The following NXN variants were observed in gnomAD, a reference collection of about 807,000 sequenced individuals.
The protein encoded by NXN is nucleoredoxin, also known as nucleoredoxin 1.
A neutral mutation model predicts 48.6 loss-of-function variants in NXN; 16 were observed. That is an observed-to-expected ratio of 0.33 (90% CI 0.22 to 0.50). The LOEUF (loss-of-function observed/expected upper bound fraction) is 0.50. NXN is among the 20% of genes least tolerant of loss of function. The probability of loss-of-function intolerance (pLI) is 0.98; values close to 1 mark genes in which losing one functional copy is unlikely to be tolerated. For synonymous variants in NXN, 281 were observed against 269.6 expected (o/e 1.04, Z -0.41); for missense variants, 492 against 605.5 (o/e 0.81, Z 1.97).
At chr17:821,745 C>T (rs62067089) in intron 4 of NXN, among the ~76,000 whole-genome samples, 97,227 of 146,056 alleles carry the variant, frequency 0.67, 33,246 homozygotes, top group African/African-American at 0.81. Flanking sequence ...AGCGAGACTC[C>T]GTCTCAAAAA....
rs569415633 is a variant in NXN, at chr17:815,578, T to C, written c.820+3861A>G. ...TGAGGCACTCACAGTTCAGCTGACTTCCATCCGTATGATGAGGGCGAGTGT... is the reference window on the plus strand; with the variant it reads ...TGAGGCACTCACAGTTCAGCTGACTCCCATCCGTATGATGAGGGCGAGTGT... On this transcript the variant is annotated intron_variant, in intron 5 of 7. Transcript: ENST00000336868. Among the ~76,000 whole-genome samples, 7 of 138,184 alleles carry C rather than the reference T, an allele frequency of 5.1e-5. No individual in the cohort carries two copies. In the South Asian group the frequency reaches 1.8e-3, roughly 35 times the overall value. 90.7% of individuals were successfully genotyped at this position (138,184 alleles called of 152,430 possible).
At chr17:815,840 C>T (rs1401914829) in intron 5 of NXN, among the ~76,000 whole-genome samples, 1 of 152,218 alleles carries the variant, frequency 6.6e-6, no homozygotes, top group Non-Finnish European at 1.5e-5. Flanking sequence ...CAAACAGAGT[C>T]ACACTTTGTA....
Position 864,513 on chromosome 17 carries a change from C to T in NXN, c.361-38435G>A, listed in dbSNP as rs74792380. ...ACAAAGTGGGCTCTGCCCGTTCAAACGGCTGCCCTGGGAGTACAGGCTGTT... is the reference window on the plus strand; with the variant it reads ...ACAAAGTGGGCTCTGCCCGTTCAAATGGCTGCCCTGGGAGTACAGGCTGTT... On this transcript the variant is annotated intron_variant, in intron 1 of 7. Transcript: ENST00000336868. Among the ~76,000 whole-genome samples the T allele has an allele frequency of 5.5e-3, 835 of 152,336 alleles. 8 individuals are homozygous for T. Among genetic ancestry groups the T allele is most frequent in the African/African-American group, 0.019 (799 of 41,582 alleles).
At chr17:865,052 C>A (rs1330489354) in intron 1 of NXN, among the ~76,000 whole-genome samples, 2 of 152,176 alleles carry the variant, frequency 1.3e-5, no homozygotes, top group Non-Finnish European at 2.9e-5. Context: ...AACAGATCAT[C>A]TCGTCCACAC....
intron 5 of NXN, among the ~76,000 whole-genome samples, chr17:812,964 GT>G (rs1912241467): frequency 6.8e-6 from 1 of 147,884 alleles, no homozygotes; most frequent in African/African-American, 2.6e-5. Context: ...AGGTGTGCAT[GT>G]TTGTAGGTGT....
intron 6 of NXN, 51 bp downstream of exon 6, chr17:805,017 C>CAG: frequency 6.5e-7 from 1 of 1,527,042 alleles, no homozygotes; most frequent in Non-Finnish European, 8.9e-7. Flanking sequence ...GAGGCCCCTC[C>CAG]TGTCCCGCCC....
intron 1 of NXN, among the ~76,000 whole-genome samples, chr17:885,743 C>T (rs1336012232): frequency 7.2e-6 from 1 of 138,402 alleles, no homozygotes; most frequent in Non-Finnish European, 1.5e-5. Flanking sequence ...TGCAGTGGCG[C>T]AATCTCAGCT....
At chr17:890,263 G>T (rs1049227124) in intron 1 of NXN, among the ~76,000 whole-genome samples, 1 of 152,058 alleles carries the variant, frequency 6.6e-6, no homozygotes, top group African/African-American at 2.4e-5. Flanking sequence ...CCAGCAGGTG[G>T]GAGATAATTA....
chr17:811,918 T>TG (rs1912037386), intron 5 of NXN, among the ~76,000 whole-genome samples: 11 of 140,174 alleles, frequency 7.8e-5, no homozygotes, highest in African/African-American at 2.7e-4. Flanking sequence ...TACCCAGTTC[T>TG]GCTTTTTTTT....
At chr17:913,625 A>T (rs2068657442) in intron 1 of NXN, among the ~76,000 whole-genome samples, 1 of 151,948 alleles carries the variant, frequency 6.6e-6, no homozygotes, top group African/African-American at 2.4e-5. Context: ...GGCAATGCAG[A>T]GACCGGGAAC....
At chr17:840,187 AC>A (rs1198630909) in intron 1 of NXN, among the ~76,000 whole-genome samples, 1 of 151,944 alleles carries the variant, frequency 6.6e-6, no homozygotes, top group Non-Finnish European at 1.5e-5. Flanking sequence ...CCCATTTAGC[AC>A]CCATGCCAGC....
rs559637592 is a variant in NXN at position 965,222 on chromosome 17, C to T, written c.360+14097G>A. Among the ~76,000 whole-genome samples, 8 of 152,222 alleles carry T rather than the reference C, an allele frequency of 5.3e-5. No homozygotes were observed. In the East Asian group the frequency reaches 1.2e-3, roughly 22 times the overall value. On this transcript the variant is annotated intron_variant, in intron 1 of 7. Transcript: ENST00000336868. ...AACGTGGGCCTTAAGCTCACTTAAC[C>T]GTCATCCGTGATTTCGTGACCAGCA...
rs114002265 is a variant in NXN at position 919,231 on chromosome 17, C to T, written c.360+60088G>A. Among the ~76,000 whole-genome samples, 1,087 of 152,060 alleles carry T rather than the reference C, an allele frequency of 7.1e-3. 18 individuals are homozygous for T. Among genetic ancestry groups the T allele is most frequent in the African/African-American group, 0.024 (975 of 41,474 alleles). ...TACAAAAATCAGCCGGGCGTCATGG[C>T]GGGCACCTGTAGTCCCAGTTCCTTG... On this transcript the variant is annotated intron_variant, in intron 1 of 7. Transcript: ENST00000336868. The surrounding 1 kb of genome is among the most constrained non-coding windows in gnomAD (Gnocchi z 5.1).
At chr17:927,823 G>A (rs939050325) in intron 1 of NXN, among the ~76,000 whole-genome samples, 1 of 152,038 alleles carries the variant, frequency 6.6e-6, no homozygotes, top group East Asian at 1.9e-4. Flanking sequence ...AGAACTCCTA[G>A]AGACAGCCGT....
At position 800,616 on chromosome 17, in the gene NXN, G is replaced by A. The variant is rs542887587; in HGVS notation, c.*333C>T. ...AGTCAGAGCCCGAGCGGGACCCACC[G>A]GCCCTCCACGCTCACTCTGCCCAGG... On this transcript the variant is annotated 3_prime_UTR_variant, in exon 8 of 8. Coordinates refer to ENST00000336868, the MANE Select transcript of NXN (RefSeq NM_022463.5). 12 of 181,494 alleles carry A rather than the reference G, an allele frequency of 6.6e-5. No homozygotes were observed. Among genetic ancestry groups the A allele is most frequent in the African/African-American group, 2.1e-4 (9 of 42,814 alleles). The allele number at this position is 181,494 out of a possible 1,614,324, so 11.2% of individuals were successfully genotyped here.
intron 1 of NXN, chr17:864,144 C>T (rs2644709): frequency 0.1 from 90,964 of 883,538 alleles, 2,084 homozygotes; most frequent in African/African-American, 0.23. Flanking sequence ...GGGGCACGTT[C>T]ACCGTTGCTC....
intron 5 of NXN, among the ~76,000 whole-genome samples, chr17:810,794 C>T (rs539970987): frequency 6.6e-6 from 1 of 151,998 alleles, no homozygotes; most frequent in South Asian, 2.1e-4. Flanking sequence ...GAGGCTGAAG[C>T]AGGAGAATCG....
At position 938,510 on chromosome 17, in the gene NXN, G is replaced by A. The variant is rs898819645; in HGVS notation, c.360+40809C>T. 6.5e-4 allele frequency among the ~76,000 whole-genome samples: 98 copies of A among 149,946 alleles called. 1 individual carries two copies. Among genetic ancestry groups the A allele is most frequent in the African/African-American group, 1.0e-4 (4 of 39,610 alleles). ...GCCCAGCCAACATGGCGAAACCCCCGTCTCTACTAAAAAAATACAAAACTT... is the reference window on the plus strand; with the variant it reads ...GCCCAGCCAACATGGCGAAACCCCCATCTCTACTAAAAAAATACAAAACTT... On this transcript the variant is annotated intron_variant, in intron 1 of 7. Transcript: ENST00000336868.
rs745319541 is a variant in NXN, at chr17:822,354, G to A, written c.713+3C>T. The A allele has an allele frequency of 4.3e-6, 7 of 1,609,718 alleles. No homozygotes were observed. In the East Asian group the frequency reaches 6.7e-5, roughly 15 times the overall value. The stretch of plus-strand genomic sequence containing the variant: ...GGGCCCAGCACTTCACGGCACGACT[G>A]ACCTGTCTGCACTAACGAAGATGAT... On this transcript the variant is annotated splice_donor_region_variant and intron_variant, in intron 4 of 7. Coordinates refer to ENST00000336868, the MANE Select transcript of NXN (RefSeq NM_022463.5).
Sources: allele counts gnomAD v4.1 joint callset (sites outside exome capture counted in the v4.1 genomes callset), GRCh38; gene constraint gnomAD v4.1.1; non-coding constraint Gnocchi (gnomAD v3.1); transcripts MANE v1.5; gene names NCBI Gene and HGNC (gene_info 2026-07-23, HGNC 2026-07-21).